Variants in RORB observed in about 807,000 individuals in gnomAD.
RORB encodes nuclear receptor ROR-beta.
A neutral mutation model predicts 59.1 loss-of-function variants in RORB; 6 were observed. That is an observed-to-expected ratio of 0.10 (90% confidence interval 0.06 to 0.20). The LOEUF (loss-of-function observed/expected upper bound fraction) is 0.20. Among genes scored for constraint, RORB ranks in the 10% least tolerant of loss-of-function variants. The probability of loss-of-function intolerance (pLI) is 1.00; values close to 1 mark genes in which losing one functional copy is unlikely to be tolerated. For synonymous variants in RORB, 215 were observed against 204.5 expected (o/e 1.05, Z -0.44); for missense variants, 320 against 560.5 (o/e 0.57, Z 4.33).
intron 9 of RORB, among the ~76,000 whole-genome samples, chr9:74,672,622 G>C (rs1824367790): frequency 6.6e-6 from 1 of 152,126 alleles, no homozygotes; most frequent in Non-Finnish European, 1.5e-5. Context: ...GAAAAAAAGT[G>C]TTTACCAAAG....
intron 1 of RORB, among the ~76,000 whole-genome samples, chr9:74,598,597 T>C (rs1327589085): frequency 6.6e-6 from 1 of 152,250 alleles, no homozygotes. Flanking sequence ...TACTAATCCA[T>C]AGTTTTGTGT....
At chr9:74,524,751 C>CT (rs1284135345) in intron 1 of RORB, among the ~76,000 whole-genome samples, 1 of 151,560 alleles carries the variant, frequency 6.6e-6, no homozygotes, top group Non-Finnish European at 1.5e-5. Flanking sequence ...TAATATTTGT[C>CT]TTTTTTTATG....
chr9:74,646,615 A>G (rs1055897724), intron 4 of RORB, among the ~76,000 whole-genome samples: 9 of 151,666 alleles, frequency 5.9e-5, no homozygotes, highest in African/African-American at 2.2e-4. Flanking sequence ...ATTTCATTGT[A>G]CAGATAAAGA....
At position 74,687,610 on chromosome 9, in the gene RORB, C is replaced by A. The variant is rs1230333620; in HGVS notation, c.*1992C>A. On this transcript the variant is annotated 3_prime_UTR_variant, in exon 10 of 10. Coordinates refer to ENST00000376896, the MANE Select transcript of RORB (RefSeq NM_006914.4). The stretch of plus-strand genomic sequence containing the variant: ...TTCAATTAATTTAACTACATTGAAC[C>A]AAATTACCTTTGGTTCTAAGAAGAC... 1 of 152,084 alleles carries A rather than the reference C, an allele frequency of 6.6e-6. No individual in the cohort carries two copies. The highest frequency in any genetic ancestry group is 6.6e-5 in the Admixed American group (1 of 15,254). 9.4% of individuals were successfully genotyped at this position (152,084 alleles called of 1,614,324 possible).
At chr9:74,620,159 A>G (rs900881861) in intron 1 of RORB, among the ~76,000 whole-genome samples, 14 of 152,082 alleles carry the variant, frequency 9.2e-5, no homozygotes, top group African/African-American at 3.4e-4. Context: ...TCAGCTGTGA[A>G]TCCGTCTGGT....
chr9:74,658,916 T>A (rs1473301527), intron 4 of RORB, among the ~76,000 whole-genome samples: 1 of 152,218 alleles, frequency 6.6e-6, no homozygotes, highest in Non-Finnish European at 1.5e-5. Context: ...CTGAATCCAA[T>A]AGAGTAGAGC....
rs139722915 is a variant in RORB at position 74,545,743 on chromosome 9, G to A, written c.7+47760G>A. Among the ~76,000 whole-genome samples the A allele has an allele frequency of 2.4e-3, 365 of 152,140 alleles. 1 individual carries two copies. The highest frequency in any genetic ancestry group is 8.5e-3 in the African/African-American group (351 of 41,530). ...AACAGTCTTTTTGGAGACTTGCAGT[G>A]CTCCTTAGAATATTAACCTGCTATA... On this transcript the variant is annotated intron_variant, in intron 1 of 9. Transcript: ENST00000376896.
chr9:74,626,205 G>A (rs1487295643), intron 1 of RORB, among the ~76,000 whole-genome samples: 1 of 152,038 alleles, frequency 6.6e-6, no homozygotes, highest in Non-Finnish European at 1.5e-5. Flanking sequence ...GAGAAATTTT[G>A]TTTATTCCAT....
At chr9:74,521,618 C>T (rs1826086983) in intron 1 of RORB, among the ~76,000 whole-genome samples, 1 of 151,792 alleles carries the variant, frequency 6.6e-6, no homozygotes, top group African/African-American at 2.4e-5. Flanking sequence ...CCGTAGGACT[C>T]TCCTGAAATG....
intron 1 of RORB, among the ~76,000 whole-genome samples, chr9:74,595,106 G>C (rs1425063914): frequency 3.9e-5 from 6 of 152,176 alleles, no homozygotes; most frequent in Non-Finnish European, 7.4e-5. Context: ...GAAACATAAG[G>C]TATGCTGTGA....
At chr9:74,631,143 T>G (rs889710942) in intron 2 of RORB, among the ~76,000 whole-genome samples, 6 of 152,228 alleles carry the variant, frequency 3.9e-5, no homozygotes, top group African/African-American at 1.4e-4. Flanking sequence ...GCTGGAGGAA[T>G]AGCAGTAAAC....
chr9:74,660,649 T>C lies in RORB; in HGVS notation c.670T>C (p.Leu224=). ...TGCACAGAACATCATTAAGTCCCAT[T>C]TGGAGACATGTCAATACACCATGGA... ...RIAQNIIKSH[L]ETCQYTMEEL... is the part of the protein sequence containing the mutation. Residue 224 remains leucine (L), a synonymous_variant, in exon 5 of 10, where the codon TTG becomes CTG. Transcript: ENST00000376896. 1 of 1,613,644 alleles carries C rather than the reference T, an allele frequency of 6.2e-7. No homozygotes were observed. The highest frequency in any genetic ancestry group is 8.5e-7 in the Non-Finnish European group (1 of 1,179,788).
At chr9:74,674,740 G>C (rs1286206362) in intron 9 of RORB, among the ~76,000 whole-genome samples, 1 of 152,132 alleles carries the variant, frequency 6.6e-6, no homozygotes, top group Admixed American at 6.5e-5. Flanking sequence ...TTTGGGGAGA[G>C]GAGAGAGTTG....
chr9:74,569,704 G>C (rs1563940247), intron 1 of RORB, among the ~76,000 whole-genome samples: 1 of 151,704 alleles, frequency 6.6e-6, no homozygotes, highest in Non-Finnish European at 1.5e-5. Flanking sequence ...TTTGAAATTT[G>C]GTTTAAAATT....
intron 1 of RORB, among the ~76,000 whole-genome samples, chr9:74,557,241 G>A (rs1446835810): frequency 6.6e-6 from 1 of 152,086 alleles, no homozygotes; most frequent in African/African-American, 2.4e-5. Context: ...CTCTAACATC[G>A]TTGTTGGCTC....
At chr9:74,683,929 G>A (rs1344802715) in intron 9 of RORB, among the ~76,000 whole-genome samples, 1 of 152,176 alleles carries the variant, frequency 6.6e-6, no homozygotes, top group African/African-American at 2.4e-5. Context: ...TCCTTGTGGT[G>A]CATCAAGAAT....
chr9:74,592,732 C>T (rs1002714740), intron 1 of RORB, among the ~76,000 whole-genome samples: 2 of 152,232 alleles, frequency 1.3e-5, no homozygotes, highest in South Asian at 2.1e-4. Flanking sequence ...CATCTTCTTC[C>T]TATTTTGCAA....
At chr9:74,621,929 A>C (rs193274486) in intron 1 of RORB, among the ~76,000 whole-genome samples, 1 of 152,296 alleles carries the variant, frequency 6.6e-6, no homozygotes, top group East Asian at 1.9e-4. Flanking sequence ...AGCACTTTGT[A>C]TATTTTGGAT....
chr9:74,561,546 T>C (rs1042564628), intron 1 of RORB, among the ~76,000 whole-genome samples: 1 of 152,126 alleles, frequency 6.6e-6, no homozygotes, highest in African/African-American at 2.4e-5. Context: ...ATTGTGATAG[T>C]TTTATTGGGA....
Sources: gnomAD v4.1 joint callset for allele counts (sites outside exome capture counted in the v4.1 genomes callset) on GRCh38, gnomAD v4.1.1 for gene constraint, MANE v1.5 for transcripts, NCBI Gene and HGNC (gene_info 2026-07-23, HGNC 2026-07-21) for gene names.